Variants in ATF6 observed in about 807,000 individuals in gnomAD.
ATF6 encodes cyclic AMP-dependent transcription factor ATF-6 alpha.
Under a neutral mutation model 83.6 loss-of-function variants are expected in ATF6, and 53 were observed. The observed-to-expected ratio is 0.63, with a 90% CI of 0.51 to 0.80. ATF6 has a LOEUF of 0.80. Among genes scored for constraint, ATF6 ranks in the 30% least tolerant of loss-of-function variants. The probability of loss-of-function intolerance (pLI) is 0.00; values close to 1 mark genes in which losing one functional copy is unlikely to be tolerated. For missense variants in ATF6, 744 were observed against 797.9 expected (o/e 0.93, Z 0.81); for synonymous variants, 288 against 285.8 (o/e 1.01, Z -0.08).
At chr1:161,824,441 TTTTCTAAA>T (rs942917457) in intron 9 of ATF6, among the ~76,000 whole-genome samples, 2 of 151,580 alleles carry the variant, frequency 1.3e-5, no homozygotes, top group Admixed American at 1.3e-4. Context: ...CTGGACTACC[TTTTCTAAA>T]TGTCTATCCC....
At chr1:161,870,891 C>G (rs931665215) in intron 14 of ATF6, among the ~76,000 whole-genome samples, 3 of 151,554 alleles carry the variant, frequency 2.0e-5, no homozygotes, top group African/African-American at 7.3e-5. Flanking sequence ...TTCAATGGTT[C>G]TTATTTGTTT....
At position 161,838,941 on chromosome 1, in the gene ATF6, CAG is replaced by C. The variant is rs1284221486; in HGVS notation, c.1188-7504_1188-7503del. Reference sequence around the variant, plus strand: ...AATCATCTCTGAACCATTCAATAAACAGAGAAAAGAAAACCTTTTTAAAATTT... The same window carrying C: ...AATCATCTCTGAACCATTCAATAAACAGAAAAGAAAACCTTTTTAAAATTT... On this transcript the variant is annotated intron_variant, in intron 9 of 15. Coordinates refer to ENST00000367942, the MANE Select transcript of ATF6 (RefSeq NM_007348.4). Among the ~76,000 whole-genome samples the C allele has an allele frequency of 6.6e-5, 10 of 152,266 alleles. No homozygotes were observed. The East Asian group carries it at 1.9e-3, about 29-fold the overall frequency.
At chr1:161,822,003 A>C (rs1557979056) in intron 9 of ATF6, among the ~76,000 whole-genome samples, 1 of 152,206 alleles carries the variant, frequency 6.6e-6, no homozygotes, top group Admixed American at 6.5e-5. Flanking sequence ...GTTAAGGATA[A>C]TTCAAAAATT....
chr1:161,770,537 ATCTTCT>A (rs907029548), intron 1 of ATF6, among the ~76,000 whole-genome samples: 40 of 152,240 alleles, frequency 2.6e-4, no homozygotes, highest in Middle Eastern at 3.4e-3. Flanking sequence ...GAGAGAGAGA[ATCTTCT>A]TCTTCTTATA....
At chr1:161,867,811 G>A (rs1270786238) in intron 14 of ATF6, among the ~76,000 whole-genome samples, 2 of 152,162 alleles carry the variant, frequency 1.3e-5, no homozygotes, top group African/African-American at 2.4e-5. Flanking sequence ...AGAAGAATCT[G>A]AGCTATAGCC....
rs548717878 is a variant in ATF6, at chr1:161,960,056, T to G, written c.*1402T>G. The G allele has an allele frequency of 1.7e-4, 26 of 149,694 alleles. No homozygotes were observed. Among genetic ancestry groups the G allele is most frequent in the African/African-American group, 6.4e-4 (26 of 40,412 alleles). 9.3% of individuals were successfully genotyped at this position (149,694 alleles called of 1,614,324 possible). ...TTCAGTTTCTCCAACGAAAAGATAG[T>G]GAAGGAATTAAATCTTTTGTCCTCC... is the stretch of plus-strand genomic sequence containing the variant. On this transcript the variant is annotated 3_prime_UTR_variant, in exon 16 of 16. Coordinates refer to ENST00000367942, the MANE Select transcript of ATF6 (RefSeq NM_007348.4).
chr1:161,823,798 T>C (rs549139562), intron 9 of ATF6, among the ~76,000 whole-genome samples: 1 of 152,338 alleles, frequency 6.6e-6, no homozygotes, highest in Admixed American at 6.5e-5. Flanking sequence ...TTGCAGACTT[T>C]GAAAGACTTT....
At chr1:161,849,730 T>C (rs1686570021) in intron 10 of ATF6, among the ~76,000 whole-genome samples, 1 of 152,164 alleles carries the variant, frequency 6.6e-6, no homozygotes. Context: ...AGTTCATATC[T>C]ATATGTCCTG....
At chr1:161,773,494 G>A (rs761836266) in intron 1 of ATF6, among the ~76,000 whole-genome samples, 2 of 151,960 alleles carry the variant, frequency 1.3e-5, no homozygotes, top group Non-Finnish European at 2.9e-5. Context: ...TCAAACTCCC[G>A]ACCTCATGTG....
chr1:161,808,328 AC>A (rs1685354517), intron 7 of ATF6, among the ~76,000 whole-genome samples: 1 of 152,136 alleles, frequency 6.6e-6, no homozygotes. Flanking sequence ...GTCCTTTTAT[AC>A]CCCAGAGACT....
intron 7 of ATF6, among the ~76,000 whole-genome samples, chr1:161,803,743 G>A (rs1009663573): frequency 6.6e-6 from 1 of 152,114 alleles, no homozygotes; most frequent in Admixed American, 6.5e-5. Flanking sequence ...CAATTAAAAA[G>A]TTGTGTGACC....
intron 9 of ATF6, 121 bp downstream of exon 9, chr1:161,821,282 T>C (rs374181430): frequency 1.9e-5 from 12 of 629,864 alleles, no homozygotes; most frequent in South Asian, 1.3e-4. Flanking sequence ...TAAAGAGTAA[T>C]GAGACAGGAG....
intron 7 of ATF6, among the ~76,000 whole-genome samples, chr1:161,813,970 T>C (rs60578284): frequency 0.086 from 12,988 of 151,086 alleles, 896 homozygotes; most frequent in East Asian, 0.21. Flanking sequence ...CCACAACCTC[T>C]GCCTCCCAGG....
At chr1:161,918,614 G>A (rs1438516199) in intron 15 of ATF6, among the ~76,000 whole-genome samples, 1 of 152,172 alleles carries the variant, frequency 6.6e-6, no homozygotes, top group Non-Finnish European at 1.5e-5. Flanking sequence ...AAAGAGCAGA[G>A]ACATTGTGAG....
Position 161,964,035 on chromosome 1 carries a change from T to C in ATF6, c.*5381T>C, listed in dbSNP as rs562276060. On this transcript the variant is annotated 3_prime_UTR_variant, in exon 16 of 16. Transcript: ENST00000367942. Reference sequence around the variant, plus strand: ...AAGCAAGTCTTTATACTACCTGTTATTTCTCTAAAATTCAAATAAAGAATT... The same window carrying C: ...AAGCAAGTCTTTATACTACCTGTTACTTCTCTAAAATTCAAATAAAGAATT... 1 of 152,368 alleles carries C rather than the reference T, an allele frequency of 6.6e-6. No homozygotes were observed. Among genetic ancestry groups the C allele is most frequent in the East Asian group, 1.9e-4 (1 of 5,192 alleles). 9.4% of individuals were successfully genotyped at this position (152,368 alleles called of 1,614,324 possible).
chr1:161,914,418 C>T (rs1385966801), intron 15 of ATF6, among the ~76,000 whole-genome samples: 2 of 152,190 alleles, frequency 1.3e-5, no homozygotes, highest in African/African-American at 2.4e-5. Flanking sequence ...CCGTCTACTC[C>T]ACCTTCACTG....
intron 7 of ATF6, among the ~76,000 whole-genome samples, chr1:161,812,487 G>A (rs1685499122): frequency 7.5e-6 from 1 of 132,830 alleles, no homozygotes; most frequent in Non-Finnish European, 1.6e-5. Flanking sequence ...CCGCCTCCCG[G>A]GTTCACGCCA....
At chr1:161,780,227 GTGT>G (rs1684603110) in intron 2 of ATF6, among the ~76,000 whole-genome samples, 1 of 151,464 alleles carries the variant, frequency 6.6e-6, no homozygotes, top group Non-Finnish European at 1.5e-5. Context: ...TTTCCCTTCT[GTGT>G]TTCTGTTACA....
chr1:161,851,331 C>G (rs965526943), intron 10 of ATF6, among the ~76,000 whole-genome samples: 4 of 151,860 alleles, frequency 2.6e-5, no homozygotes, highest in African/African-American at 9.7e-5. Context: ...TGTGAATGAC[C>G]CCTAAACTTT....
Sources: allele counts gnomAD v4.1 joint callset (sites outside exome capture counted in the v4.1 genomes callset), GRCh38; gene constraint gnomAD v4.1.1; transcripts MANE v1.5; gene names NCBI Gene and HGNC (gene_info 2026-07-23, HGNC 2026-07-21).